UBE2R2: variants seen among roughly 807,000 people sequenced by gnomAD.
UBE2R2 encodes ubiquitin-conjugating enzyme E2 R2.
In UBE2R2, 1 loss-of-function variant was observed where a neutral mutation model predicts 27.8. The observed-to-expected ratio is 0.04, with a 90% CI of 0.01 to 0.17. The LOEUF (loss-of-function observed/expected upper bound fraction) is 0.17, where lower values mean the gene tolerates loss of function less well. Among genes scored for constraint, UBE2R2 ranks in the 10% least tolerant of loss-of-function variants. UBE2R2 has a pLI of 1.00. For synonymous variants in UBE2R2, 106 were observed against 113.3 expected, an observed-to-expected ratio of 0.94 and a Z score of 0.41; for missense variants, 100 against 291.0, an observed-to-expected ratio of 0.34 and a Z score of 4.78.
At position 33,919,903 on chromosome 9, in the gene UBE2R2, G is replaced by A. The variant is rs1822765678; in HGVS notation, c.*2666G>A. 1 of 152,082 alleles carries A rather than the reference G, an allele frequency of 6.6e-6. No individual in the cohort carries two copies. Among genetic ancestry groups the A allele is most frequent in the African/African-American group, 2.4e-5 (1 of 41,384 alleles). The allele number at this position is 152,082 out of a possible 1,614,324, so 9.4% of individuals were successfully genotyped here. On this transcript the variant is annotated 3_prime_UTR_variant, in exon 5 of 5. Transcript: ENST00000263228. ...GTTCTGTGTATTTTGAGGCTGGGTGGAGAAGTATATGATTCTGCTGTTGAT... is the reference window on the plus strand; with the variant it reads ...GTTCTGTGTATTTTGAGGCTGGGTGAAGAAGTATATGATTCTGCTGTTGAT...
intron 1 of UBE2R2, among the ~76,000 whole-genome samples, chr9:33,857,999 G>A (rs987885682): frequency 7.9e-5 from 12 of 152,148 alleles, no homozygotes; most frequent in African/African-American, 2.9e-4. Flanking sequence ...AGGCCAAGAT[G>A]CTAACTTTAT....
intron 1 of UBE2R2, among the ~76,000 whole-genome samples, chr9:33,835,148 T>TTTTG (rs1820588510): frequency 6.8e-6 from 1 of 147,654 alleles, no homozygotes; most frequent in African/African-American, 2.5e-5. Context: ...AGTGTAGGTT[T>TTTTG]TTTTTTTTTT....
At chr9:33,898,353 T>A (rs1822169585) in intron 2 of UBE2R2, among the ~76,000 whole-genome samples, 1 of 152,214 alleles carries the variant, frequency 6.6e-6, no homozygotes, top group Non-Finnish European at 1.5e-5. Flanking sequence ...GTGCTGGGAT[T>A]ACAGATGTGA....
intron 2 of UBE2R2, among the ~76,000 whole-genome samples, chr9:33,893,637 T>G (rs1347276583): frequency 1.3e-5 from 2 of 152,126 alleles, no homozygotes; most frequent in Non-Finnish European, 2.9e-5. Context: ...TTTATTTATT[T>G]ATTTATTTAT....
chr9:33,828,001 T>A (rs557008002), intron 1 of UBE2R2, among the ~76,000 whole-genome samples: 2 of 150,728 alleles, frequency 1.3e-5, no homozygotes, highest in South Asian at 4.2e-4. Context: ...TAAAATAAAT[T>A]AATAAAATTA....
At chr9:33,820,917 G>A (rs1031469621) in intron 1 of UBE2R2, among the ~76,000 whole-genome samples, 3 of 152,038 alleles carry the variant, frequency 2.0e-5, no homozygotes, top group Admixed American at 1.3e-4. Flanking sequence ...TCCTGCTTTC[G>A]CTTATTTAAT....
At chr9:33,851,492 C>T (rs982411901) in intron 1 of UBE2R2, among the ~76,000 whole-genome samples, 1 of 152,118 alleles carries the variant, frequency 6.6e-6, no homozygotes, top group Non-Finnish European at 1.5e-5. Flanking sequence ...TTAGTCATGT[C>T]CTAGACTTTC....
intron 2 of UBE2R2, among the ~76,000 whole-genome samples, chr9:33,890,324 C>T (rs1821951227): frequency 6.6e-6 from 1 of 151,306 alleles, no homozygotes; most frequent in Non-Finnish European, 1.5e-5. Context: ...AGTGGCTCAC[C>T]CTATAATCCC....
rs571437568 is a variant in UBE2R2, at chr9:33,829,532, T to A, written c.177+11598T>A. On this transcript the variant is annotated intron_variant, in intron 1 of 4. Transcript: ENST00000263228. ...AAACTGCATGGGTACCCGCAAAATC[T>A]GTTTTTATAAAAAGTTGATTTTGGG... 6.8e-4 allele frequency among the ~76,000 whole-genome samples: 103 copies of A among 152,306 alleles called. 1 individual carries two copies. The South Asian group carries it at 0.021, about 31-fold the overall frequency.
intron 1 of UBE2R2, among the ~76,000 whole-genome samples, chr9:33,849,962 T>C (rs187930785): frequency 6.6e-6 from 1 of 152,282 alleles, no homozygotes; most frequent in Non-Finnish European, 1.5e-5. Context: ...TTTCAGTGAT[T>C]AGTTTACATT....
chr9:33,874,738 C>T (rs568118903), intron 1 of UBE2R2, among the ~76,000 whole-genome samples: 1 of 152,106 alleles, frequency 6.6e-6, no homozygotes, highest in Non-Finnish European at 1.5e-5. Context: ...ATGTCAGGAT[C>T]ATAGCTCACT....
At chr9:33,877,173 T>C (rs534434197) in intron 1 of UBE2R2, among the ~76,000 whole-genome samples, 8 of 129,710 alleles carry the variant, frequency 6.2e-5, no homozygotes, top group African/African-American at 2.3e-4. Context: ...AAACTACTTA[T>C]GATTGAATTT....
At chr9:33,823,456 A>C (rs1159549312) in intron 1 of UBE2R2, among the ~76,000 whole-genome samples, 1 of 151,756 alleles carries the variant, frequency 6.6e-6, no homozygotes, top group Non-Finnish European at 1.5e-5. Context: ...GCTCACTGCA[A>C]CCTCTGCCTC....
intron 3 of UBE2R2, among the ~76,000 whole-genome samples, chr9:33,911,507 G>A (rs976142748): frequency 7.0e-5 from 10 of 143,092 alleles, no homozygotes; most frequent in African/African-American, 2.6e-4. Flanking sequence ...AATATTTTAA[G>A]CTTTTTCCCC....
In UBE2R2 at chr9:33,917,527, G is replaced by T. The variant is rs1314740829; in HGVS notation, c.*290G>T. The T allele has an allele frequency of 1.3e-5, 7 of 548,062 alleles. No individual in the cohort carries two copies. The highest frequency in any genetic ancestry group is 2.2e-5 in the Non-Finnish European group (7 of 314,086). 33.9% of individuals were successfully genotyped at this position (548,062 alleles called of 1,614,324 possible). On this transcript the variant is annotated 3_prime_UTR_variant, in exon 5 of 5. Transcript: ENST00000263228. ...TGAACCCAAACTCCCGCCTCACTTCGTCTCTACAGAATGTTCACAGCAAAA... is the reference window on the plus strand; with the variant it reads ...TGAACCCAAACTCCCGCCTCACTTCTTCTCTACAGAATGTTCACAGCAAAA...
intron 1 of UBE2R2, among the ~76,000 whole-genome samples, chr9:33,841,561 G>C (rs1820733963): frequency 6.6e-6 from 1 of 152,174 alleles, no homozygotes; most frequent in African/African-American, 2.4e-5. Flanking sequence ...TTTAGTGGCA[G>C]AGGTATTTAG....
intron 1 of UBE2R2, among the ~76,000 whole-genome samples, chr9:33,860,106 C>CT (rs10606799): frequency 1.9e-4 from 28 of 148,470 alleles, no homozygotes; most frequent in Non-Finnish European, 2.8e-4. Flanking sequence ...CTTGCCTGCC[C>CT]TTTTTTTTTT....
chr9:33,867,432 T>C lies in UBE2R2; in HGVS notation c.178-19449T>C, dbSNP rs918947722. On this transcript the variant is annotated intron_variant, in intron 1 of 4. Transcript: ENST00000263228. ...TTTTGTATTTTGGTGAAAATATTTA[T>C]TAAGGAGTGGACTTTTTGAACCTTA... 3.3e-5 allele frequency among the ~76,000 whole-genome samples: 5 copies of C among 152,320 alleles called. No homozygotes were observed. In the South Asian group the frequency reaches 1.0e-3, roughly 32 times the overall value.
intron 1 of UBE2R2, among the ~76,000 whole-genome samples, chr9:33,830,692 C>T (rs1331042519): frequency 2.7e-5 from 4 of 150,902 alleles, no homozygotes; most frequent in Admixed American, 1.3e-4. Context: ...CTCTTGAACC[C>T]GGGAGGCAGA....
Sources: allele counts gnomAD v4.1 joint callset (sites outside exome capture counted in the v4.1 genomes callset), GRCh38; gene constraint gnomAD v4.1.1; transcripts MANE v1.5; gene names NCBI Gene and HGNC (gene_info 2026-07-23, HGNC 2026-07-21).